CLHC1: variants seen among roughly 807,000 people sequenced by gnomAD.
CLHC1 encodes clathrin heavy chain linker domain-containing protein 1.
CLHC1 carries 72 observed loss-of-function variants against 69.5 expected under a neutral mutation model. The observed-to-expected ratio is 1.04, with a 90% confidence interval of 0.86 to 1.26. The LOEUF (loss-of-function observed/expected upper bound fraction) is 1.26, where lower values mean the gene tolerates loss of function less well. CLHC1 is among the 50% of genes most tolerant of loss of function. The probability of loss-of-function intolerance (pLI) is 0.00; values close to 1 mark genes in which losing one functional copy is unlikely to be tolerated. For synonymous variants in CLHC1, 223 were observed against 224.3 expected (o/e 0.99, Z 0.05); for missense variants, 790 against 679.3 (o/e 1.16, Z -1.81).
chr2:55,176,554 T>C (rs968157835), intron 12 of CLHC1, among the ~76,000 whole-genome samples: 1 of 152,194 alleles, frequency 6.6e-6, no homozygotes, highest in South Asian at 2.1e-4. Flanking sequence ...AATCATTTTG[T>C]TTGTTAAAGA....
rs192066636 is a variant in CLHC1 at position 55,217,994 on chromosome 2, A to G, written c.182T>C (p.Ile61Thr). Reference sequence around the variant, plus strand: ...GGATTTGTATGCAGTGATATGCTCTATTACCTGAAATATTATTTTTCTGCC... The same window carrying G: ...GGATTTGTATGCAGTGATATGCTCTGTTACCTGAAATATTATTTTTCTGCC... Reference protein sequence around the residue: ...IIYRNVFDKVIEHITAYKSIL... With the variant: ...IIYRNVFDKVTEHITAYKSIL... The change falls in exon 4 of 13, where the codon ATA becomes ACA. Residue 61 changes from isoleucine (I) to threonine (T), a missense_variant. Coordinates refer to ENST00000401408, the MANE Select transcript of CLHC1 (RefSeq NM_152385.4). The G allele has an allele frequency of 1.8e-5, 26 of 1,422,590 alleles. No homozygotes were observed. The East Asian group carries it at 5.0e-4, about 27-fold the overall frequency. 88.1% of individuals were successfully genotyped at this position (1,422,590 alleles called of 1,614,324 possible).
intron 9 of CLHC1, among the ~76,000 whole-genome samples, chr2:55,204,551 C>G (rs1672256739): frequency 6.6e-6 from 1 of 152,102 alleles, no homozygotes; most frequent in Non-Finnish European, 1.5e-5. Flanking sequence ...ACGGAAAACA[C>G]TTTGGAGGTT....
At position 55,177,704 on chromosome 2, in the gene CLHC1, G is replaced by A. The variant is rs1271219389; in HGVS notation, c.1462C>T (p.Gln488Ter). The A allele has an allele frequency of 6.2e-7, 1 of 1,612,974 alleles. No homozygotes were observed. The highest frequency in any genetic ancestry group is 8.5e-7 in the Non-Finnish European group (1 of 1,179,192). The change falls in exon 12 of 13, where the codon CAA becomes TAA. Residue 488 changes from glutamine (Q) to a stop codon, truncating the protein, a stop_gained. Coordinates refer to ENST00000401408, the MANE Select transcript of CLHC1 (RefSeq NM_152385.4). LOFTEE classifies it high-confidence loss of function. ...QCLTKELNEK[Q>*]PSLSFGLAIL... Reference sequence around the variant, plus strand: ...GCAAGACCAAAAGATAAAGATGGTTGTTTCTCATTCAACTCTTTAGTGAGA... The same window carrying A: ...GCAAGACCAAAAGATAAAGATGGTTATTTCTCATTCAACTCTTTAGTGAGA...
intron 9 of CLHC1, among the ~76,000 whole-genome samples, chr2:55,187,114 A>T (rs936212786): frequency 2.6e-5 from 4 of 151,272 alleles, no homozygotes; most frequent in African/African-American, 9.7e-5. Context: ...TAAAAACAAC[A>T]ACAAAAAAAT....
At chr2:55,188,100 G>A (rs1289652255) in intron 9 of CLHC1, among the ~76,000 whole-genome samples, 3 of 152,102 alleles carry the variant, frequency 2.0e-5, no homozygotes, top group Non-Finnish European at 4.4e-5. Flanking sequence ...GATGGCTTAA[G>A]GCCAGGAGTT....
chr2:55,176,212 A>G lies in CLHC1; in HGVS notation c.1565-226T>C, dbSNP rs557263930. 3.9e-5 allele frequency among the ~76,000 whole-genome samples: 6 copies of G among 152,088 alleles called. No individual in the cohort carries two copies. In the South Asian group the frequency reaches 1.0e-3, roughly 26 times the overall value. ...CTTATCATTAACCTCTTCATGTCTC[A>G]ATTCAACCCTCTACCACTTCTCACA... On this transcript the variant is annotated intron_variant, in intron 12 of 12. Coordinates refer to ENST00000401408, the MANE Select transcript of CLHC1 (RefSeq NM_152385.4).
At chr2:55,218,457 T>C (rs1383294386) in intron 3 of CLHC1, 3 of 152,310 alleles carry the variant, frequency 2.0e-5, no homozygotes, top group Non-Finnish European at 2.9e-5. Context: ...CTCATCAATA[T>C]TCTCAATATC....
chr2:55,189,812 T>C (rs1437493501), intron 9 of CLHC1, among the ~76,000 whole-genome samples: 1 of 152,152 alleles, frequency 6.6e-6, no homozygotes, highest in East Asian at 1.9e-4. Flanking sequence ...GACTAATCCC[T>C]AGAGTTCAGA....
chr2:55,194,937 G>A (rs546377258), intron 9 of CLHC1, among the ~76,000 whole-genome samples: 1 of 151,032 alleles, frequency 6.6e-6, no homozygotes, highest in Non-Finnish European at 1.5e-5. Flanking sequence ...TTTTTTTGGG[G>A]GATGGGGTAT....
rs767806848 is a variant in CLHC1 at position 55,177,670 on chromosome 2, T to A, written c.1496A>T (p.His499Leu). ...TTTTTTCATGTCTGCAGAGAACAGATGAAGTATAGCAAGACCAAAAGATAA... is the reference window on the plus strand; with the variant it reads ...TTTTTTCATGTCTGCAGAGAACAGAAGAAGTATAGCAAGACCAAAAGATAA... ...PSLSFGLAIL[H>L]LFSADMKKVG... The change falls in exon 12 of 13, where the codon CAT (histidine) becomes CTT (leucine). Residue 499 changes from histidine to leucine, a missense_variant. Physicochemically the swap from His to Leu is moderately conservative, Grantham distance 99. Coordinates refer to ENST00000401408, the MANE Select transcript of CLHC1 (RefSeq NM_152385.4). 3.7e-6 allele frequency: 6 copies of A among 1,613,044 alleles called. No homozygotes were observed. The East Asian group carries it at 1.3e-4, about 36-fold the overall frequency.
chr2:55,231,188 T>C (rs1387322731), intron 1 of CLHC1, among the ~76,000 whole-genome samples: 1 of 150,032 alleles, frequency 6.7e-6, no homozygotes, highest in East Asian at 2.0e-4. Context: ...AGGCGGAGTT[T>C]ACAGTGAGCC....
At chr2:55,190,539 A>G (rs984199942) in intron 9 of CLHC1, among the ~76,000 whole-genome samples, 17 of 152,226 alleles carry the variant, frequency 1.1e-4, no homozygotes, top group African/African-American at 3.9e-4. Context: ...TATGTTAAGT[A>G]GAGACATGAG....
At chr2:55,219,743 T>C (rs1673930492) in intron 3 of CLHC1, among the ~76,000 whole-genome samples, 2 of 152,150 alleles carry the variant, frequency 1.3e-5, no homozygotes, top group Admixed American at 1.3e-4. Flanking sequence ...AAAATAACCA[T>C]AGCTATATTT....
At chr2:55,225,707 A>G (rs1230307468) in intron 2 of CLHC1, 1 of 152,192 alleles carries the variant, frequency 6.6e-6, no homozygotes, top group Non-Finnish European at 1.5e-5. Context: ...GCCCAGCCCC[A>G]CTGCGTGCCA....
At chr2:55,196,173 G>A (rs62135095) in intron 9 of CLHC1, among the ~76,000 whole-genome samples, 9,943 of 152,238 alleles carry the variant, frequency 0.065, 399 homozygotes, top group Middle Eastern at 0.11. Flanking sequence ...ATCTATCCCA[G>A]CAGGTTGGAA....
chr2:55,213,021 T>C (rs1358640187), intron 4 of CLHC1, among the ~76,000 whole-genome samples: 2 of 152,172 alleles, frequency 1.3e-5, no homozygotes, highest in Non-Finnish European at 2.9e-5. Context: ...CTATTGGAAA[T>C]TCGTTAAGTG....
At chr2:55,195,398 C>A (rs1290595254) in intron 9 of CLHC1, among the ~76,000 whole-genome samples, 1 of 152,128 alleles carries the variant, frequency 6.6e-6, no homozygotes, top group Non-Finnish European at 1.5e-5. Flanking sequence ...GAGAGATATG[C>A]CATGCTATGA....
intron 1 of CLHC1, among the ~76,000 whole-genome samples, chr2:55,229,162 A>AG (rs1675010691): frequency 6.7e-6 from 1 of 149,864 alleles, no homozygotes; most frequent in African/African-American, 2.4e-5. Flanking sequence ...AAAAAAAAAA[A>AG]AAAAAAAGAA....
Position 55,206,307 on chromosome 2 carries a change from T to G in CLHC1, c.969A>C (p.Arg323Ser), listed in dbSNP as rs531826337. ...TCATTGTACCAATGTTTCGAAGAATTCTTCTAGGACTGTTTGCTGCATAAC... is the reference window on the plus strand; with the variant it reads ...TCATTGTACCAATGTTTCGAAGAATGCTTCTAGGACTGTTTGCTGCATAAC... ...AACYAANSPR[R>S]ILRNIGTMNT... is the part of the protein sequence containing the mutation. The change falls in exon 9 of 13, where the codon AGA becomes AGC. Residue 323 changes from arginine to serine, a missense_variant. By Grantham distance (110) the Arg-to-Ser change is moderately radical. Transcript: ENST00000401408. 6.2e-7 allele frequency: 1 copy of G among 1,610,956 alleles called. No individual in the cohort carries two copies. The highest frequency in any genetic ancestry group is 1.7e-5 in the Admixed American group (1 of 59,994).
Sources: allele counts gnomAD v4.1 joint callset (sites outside exome capture counted in the v4.1 genomes callset), GRCh38; gene constraint gnomAD v4.1.1; transcripts MANE v1.5; gene names NCBI Gene and HGNC (gene_info 2026-07-23, HGNC 2026-07-21).